WNK2: variants seen among roughly 807,000 people sequenced by gnomAD.
The protein encoded by WNK2 is WNK lysine deficient protein kinase 2.
A neutral mutation model predicts 192.1 loss-of-function variants in WNK2; 67 were observed. The observed-to-expected ratio is 0.35, with a 90% confidence interval of 0.29 to 0.43. The LOEUF is 0.43. WNK2 is among the 20% of genes least tolerant of loss of function. The probability of loss-of-function intolerance (pLI) is 1.00; values close to 1 mark genes in which losing one functional copy is unlikely to be tolerated. For missense variants in WNK2, 2,698 were observed against 3,089.7 expected (o/e 0.87, Z 3.01); for synonymous variants, 1,439 against 1,393.9 (o/e 1.03, Z -0.72).
chr9:93,234,963 T>G lies in WNK2; in HGVS notation c.1231T>G (p.Cys411Gly). The G allele has an allele frequency of 6.2e-7, 1 of 1,614,028 alleles. No homozygotes were observed. The part of the protein sequence containing the change: ...NAAQIYRKVT[C>G]GIKPASFEKV... Reference sequence around the variant, plus strand: ...GGCCCAGATCTACCGCAAGGTCACCTGTGTGAGTCCACCTGGCCCCTTGGT... The same window carrying G: ...GGCCCAGATCTACCGCAAGGTCACCGGTGTGAGTCCACCTGGCCCCTTGGT... The change falls in exon 5 of 30, where the codon TGT (cysteine) becomes GGT (glycine). Residue 411 changes from cysteine to glycine, a missense_variant and splice_region_variant. Physicochemically the swap from Cys to Gly is radical, Grantham distance 159 (BLOSUM62 -3). Coordinates refer to ENST00000427277, the MANE Select transcript of WNK2 (RefSeq NM_006648.4).
intron 7 of WNK2, among the ~76,000 whole-genome samples, chr9:93,240,476 G>T (rs150034298): frequency 2.0e-3 from 302 of 152,228 alleles, no homozygotes; most frequent in African/African-American, 6.7e-3. Flanking sequence ...TCTTCCTCCT[G>T]CTCCTCTCAT....
At chr9:93,249,061 G>A (rs187814628) in intron 8 of WNK2, among the ~76,000 whole-genome samples, 6 of 152,234 alleles carry the variant, frequency 3.9e-5, no homozygotes, top group Non-Finnish European at 2.9e-5. Flanking sequence ...TCGAACCTGC[G>A]CAGATTTGCT....
chr9:93,225,576 A>G (rs536453680), intron 2 of WNK2, among the ~76,000 whole-genome samples: 1 of 152,204 alleles, frequency 6.6e-6, no homozygotes, highest in Admixed American at 6.5e-5. Flanking sequence ...TTAAAAATGA[A>G]GACTGTAGTG....
chr9:93,284,466 C>CAAACA (rs567306421), intron 19 of WNK2, among the ~76,000 whole-genome samples: 2 of 151,860 alleles, frequency 1.3e-5, no homozygotes, highest in Non-Finnish European at 2.9e-5. Flanking sequence ...TTACAAAAAA[C>CAAACA]AAACAAAACA....
intron 7 of WNK2, among the ~76,000 whole-genome samples, chr9:93,244,530 G>GA (rs1340399590): frequency 2.6e-5 from 4 of 152,266 alleles, no homozygotes; most frequent in Admixed American, 2.0e-4. Context: ...AGTCTCAAGG[G>GA]AAAATGGGCT....
intron 27 of WNK2, 182 bp downstream of exon 27, chr9:93,307,003 GCTC>G (rs1396862891): frequency 1.1e-5 from 8 of 706,744 alleles, no homozygotes; most frequent in African/African-American, 1.8e-5. Flanking sequence ...GCTGTCCTCG[GCTC>G]CCCCGTGTGT....
chr9:93,191,382 C>T (rs555266294), intron 2 of WNK2, among the ~76,000 whole-genome samples: 9 of 152,210 alleles, frequency 5.9e-5, no homozygotes, highest in East Asian at 3.9e-4. Flanking sequence ...ATTTGTTGAA[C>T]GTGTGTCCTG....
chr9:93,221,798 C>A lies in WNK2; in HGVS notation c.682-7898C>A, dbSNP rs369081209. ...GAGAGGCTTTCGGGAAGAGCCGCGT[C>A]GTGTCCATCACCTCCGTGGGAATGG... On this transcript the variant is annotated intron_variant, in intron 2 of 29. Transcript: ENST00000427277. 2.0e-5 allele frequency among the ~76,000 whole-genome samples: 3 copies of A among 152,206 alleles called. No homozygotes were observed. The South Asian group carries it at 6.2e-4, about 32-fold the overall frequency.
At chr9:93,309,700 G>A (rs1344625131) in intron 28 of WNK2, among the ~76,000 whole-genome samples, 3 of 152,108 alleles carry the variant, frequency 2.0e-5, no homozygotes, top group Non-Finnish European at 4.4e-5. Context: ...GTGTTTGATA[G>A]TCTTTATTGT....
intron 4 of WNK2, among the ~76,000 whole-genome samples, chr9:93,232,528 C>T (rs1839001286): frequency 6.6e-6 from 1 of 152,196 alleles, no homozygotes. Context: ...AGGTCTCAAA[C>T]CCCGGGCGCA....
chr9:93,261,853 G>A lies in WNK2; in HGVS notation c.3106G>A (p.Ala1036Thr), dbSNP rs749057800. 9.4e-6 allele frequency: 15 copies of A among 1,598,456 alleles called. No individual in the cohort carries two copies. The highest frequency in any genetic ancestry group is 1.7e-5 in the Admixed American group (1 of 59,952). ...GHPAPYAVDV[A>T]AQVPTVPVPP... ...CCCAGCTCCCTATGCTGTGGACGTCGCCGCTCAGGTCCCCACCGTGCCTGT... is the reference window on the plus strand; with the variant it reads ...CCCAGCTCCCTATGCTGTGGACGTCACCGCTCAGGTCCCCACCGTGCCTGT... The change falls in exon 13 of 30, where the codon GCC (alanine) becomes ACC (threonine). Residue 1036 changes from alanine (A) to threonine (T), a missense_variant. By Grantham distance (58) the Ala-to-Thr change is moderately conservative (BLOSUM62 0). Around this residue, in one of 7 missense-constraint regions of WNK2, gnomAD observed 893 missense variants for 909.0 expected, o/e 0.98. Coordinates refer to ENST00000427277, the MANE Select transcript of WNK2 (RefSeq NM_006648.4).
intron 28 of WNK2, among the ~76,000 whole-genome samples, chr9:93,313,210 G>C (rs774793628): frequency 6.6e-6 from 1 of 151,976 alleles, no homozygotes; most frequent in Non-Finnish European, 1.5e-5. Context: ...GCTTCCTTGG[G>C]CATGTTTTTG....
At chr9:93,226,177 A>T (rs973627362) in intron 2 of WNK2, among the ~76,000 whole-genome samples, 1 of 152,170 alleles carries the variant, frequency 6.6e-6, no homozygotes, top group Admixed American at 6.5e-5. Flanking sequence ...TCCTTTGCAG[A>T]TAAGACTTGC....
chr9:93,240,711 G>A (rs1588123058), intron 7 of WNK2, among the ~76,000 whole-genome samples: 1 of 152,290 alleles, frequency 6.6e-6, no homozygotes, highest in Admixed American at 6.5e-5. Flanking sequence ...CGGTGGAATG[G>A]GAATTGTGTG....
intron 19 of WNK2, among the ~76,000 whole-genome samples, chr9:93,284,411 G>A (rs1024262151): frequency 7.9e-5 from 12 of 152,076 alleles, no homozygotes; most frequent in African/African-American, 2.2e-4. Flanking sequence ...AACTTAATTC[G>A]AATAAATTTA....
intron 4 of WNK2, among the ~76,000 whole-genome samples, chr9:93,233,569 A>G (rs977569167): frequency 2.0e-5 from 3 of 151,880 alleles, no homozygotes; most frequent in African/African-American, 7.3e-5. Flanking sequence ...ATGGCGGCAG[A>G]CGCCTGTAGT....
intron 2 of WNK2, among the ~76,000 whole-genome samples, chr9:93,187,647 G>A (rs1043790761): frequency 2.0e-5 from 3 of 152,164 alleles, no homozygotes; most frequent in Admixed American, 6.5e-5. Flanking sequence ...GGACTGAGGG[G>A]AACAACCCCC....
Position 93,293,065 on chromosome 9 carries a change from C to G in WNK2, c.5600C>G (p.Thr1867Arg). Reference sequence around the variant, plus strand: ...AGCAGGGTGGGCATGAAGGTCCCCACGATCAGCGTGACCTCCTTCCATTCC... The same window carrying G: ...AGCAGGGTGGGCATGAAGGTCCCCAGGATCAGCGTGACCTCCTTCCATTCC... ...TPSRVGMKVP[T>R]ISVTSFHSQS... Residue 1867 changes from threonine to arginine, a missense_variant, in exon 23 of 30, where the codon ACG (threonine) becomes AGG (arginine). Physicochemically the swap from Thr to Arg is moderately conservative, Grantham distance 71 (BLOSUM62 -1). Transcript: ENST00000427277. 1 of 1,610,718 alleles carries G rather than the reference C, an allele frequency of 6.2e-7. No individual in the cohort carries two copies. Among genetic ancestry groups the G allele is most frequent in the South Asian group, 1.1e-5 (1 of 90,900 alleles).
chr9:93,213,973 A>G (rs996938940), intron 2 of WNK2, among the ~76,000 whole-genome samples: 8 of 152,208 alleles, frequency 5.3e-5, no homozygotes, highest in African/African-American at 1.4e-4. Flanking sequence ...GTACTGTTAT[A>G]TAATTTAGCC....
Sources: allele counts gnomAD v4.1 joint callset (sites outside exome capture counted in the v4.1 genomes callset), GRCh38; gene constraint gnomAD v4.1.1; regional missense constraint gnomAD v4.1.1; transcripts MANE v1.5; gene names NCBI Gene and HGNC (gene_info 2026-07-23, HGNC 2026-07-21).